The following LYST variants were observed in gnomAD, a reference collection of about 807,000 sequenced individuals.
LYST encodes lysosomal-trafficking regulator.
In LYST, 192 loss-of-function variants were observed where a neutral mutation model predicts 413.6. That is an observed-to-expected ratio of 0.46 (90% CI 0.41 to 0.52). LYST has a LOEUF of 0.52. Ranked by LOEUF, LYST falls within the 20% of genes least tolerant of loss-of-function variation. The probability of loss-of-function intolerance (pLI) is 0.00; values close to 1 mark genes in which losing one functional copy is unlikely to be tolerated. For missense variants in LYST, 3,815 were observed against 4,499.9 expected, an observed-to-expected ratio of 0.85 and a Z score of 4.35; for synonymous variants, 1,525 against 1,567.3, an observed-to-expected ratio of 0.97 and a Z score of 0.64.
chr1:235,728,183 A>G (rs756256879), intron 37 of LYST, 52 bp from the exon 38 acceptor site: 2 of 1,316,108 alleles, frequency 1.5e-6, no homozygotes, highest in Non-Finnish European at 2.2e-6. Context: ...GCACACTACC[A>G]TTCATGGTTT....
In LYST at chr1:235,777,143, G is replaced by T; in HGVS notation, c.5380C>A (p.Gln1794Lys). 6.2e-7 allele frequency: 1 copy of T among 1,613,024 alleles called. No individual in the cohort carries two copies. The highest frequency in any genetic ancestry group is 8.5e-7 in the Non-Finnish European group (1 of 1,179,146). Residue 1794 changes from glutamine to lysine, a missense_variant, in exon 17 of 53, where the codon CAA becomes AAA. Physicochemically the swap from Gln to Lys is moderately conservative, Grantham distance 53. Transcript: ENST00000389793. ...LLEPHHLKNL[Q>K]PTEYKTIQGI... Reference sequence around the variant, plus strand: ...TGAATAGTTTTATATTCAGTAGGTTGGAGATTCTTTAGATGATGAGGTTCT... The same window carrying T: ...TGAATAGTTTTATATTCAGTAGGTTTGAGATTCTTTAGATGATGAGGTTCT...
intron 49 of LYST, 81 bp from the exon 50 acceptor site, chr1:235,677,269 C>A: frequency 8.5e-7 from 1 of 1,182,602 alleles, no homozygotes; most frequent in South Asian, 1.2e-5. Context: ...TCTTCTCAGT[C>A]TATGTACCTA....
chr1:235,849,223 C>T (rs968303503), intron 1 of LYST, among the ~76,000 whole-genome samples: 6 of 152,080 alleles, frequency 3.9e-5, no homozygotes, highest in African/African-American at 1.4e-4. Context: ...ATACGTAAGT[C>T]AATAAATGTG....
intron 48 of LYST, among the ~76,000 whole-genome samples, chr1:235,684,826 G>A (rs973601511): frequency 6.6e-6 from 1 of 151,630 alleles, no homozygotes; most frequent in Admixed American, 6.6e-5. Flanking sequence ...ATAAGGTCTT[G>A]CTATGTTGCC....
chr1:235,819,723 G>T (rs547387120), intron 3 of LYST, among the ~76,000 whole-genome samples: 1 of 152,270 alleles, frequency 6.6e-6, no homozygotes, highest in South Asian at 2.1e-4. Flanking sequence ...TCGGCTCACT[G>T]CAAGCTCTGC....
At chr1:235,671,014 C>A (rs1658896987) in intron 50 of LYST, among the ~76,000 whole-genome samples, 1 of 152,170 alleles carries the variant, frequency 6.6e-6, no homozygotes, top group South Asian at 2.1e-4. Flanking sequence ...AGACAGTAAA[C>A]CTGAGCTCTA....
intron 31 of LYST, chr1:235,737,921 G>GT: frequency 8.5e-7 from 1 of 1,176,872 alleles, no homozygotes; most frequent in Non-Finnish European, 1.1e-6. Flanking sequence ...CGACGAGTCT[G>GT]GATCTCACTG....
At chr1:235,822,694 T>C (rs1032886060) in intron 3 of LYST, among the ~76,000 whole-genome samples, 15 of 152,220 alleles carry the variant, frequency 9.9e-5, no homozygotes, top group African/African-American at 2.9e-4. Flanking sequence ...CACAAATTAA[T>C]TGCAGTTCCT....
chr1:235,772,220 G>A (rs1668781157), intron 19 of LYST, among the ~76,000 whole-genome samples: 1 of 151,874 alleles, frequency 6.6e-6, no homozygotes, highest in African/African-American at 2.4e-5. Flanking sequence ...GTGTGCTCCT[G>A]TTTCAAAAAA....
At chr1:235,863,131 G>A (rs991730976) in intron 1 of LYST, among the ~76,000 whole-genome samples, 2 of 152,040 alleles carry the variant, frequency 1.3e-5, no homozygotes, top group Non-Finnish European at 2.9e-5. Flanking sequence ...GGTGGCTCAC[G>A]CCTGTAATCC....
At chr1:235,750,197 G>A (rs192219419) in intron 28 of LYST, among the ~76,000 whole-genome samples, 67 of 152,274 alleles carry the variant, frequency 4.4e-4, no homozygotes, top group Non-Finnish European at 9.1e-4. Flanking sequence ...CAGGACAAAA[G>A]AGATGTACAA....
chr1:235,727,124 C>CTTTTTTTTTTTTT (rs763736405), intron 38 of LYST, among the ~76,000 whole-genome samples: 1 of 135,120 alleles, frequency 7.4e-6, no homozygotes, highest in Non-Finnish European at 1.6e-5. Flanking sequence ...TTCTTTCTTT[C>CTTTTTTTTTTTTT]TTTTTTTTTT....
Position 235,774,477 on chromosome 1 carries a change from C to A in LYST, c.5634+436G>T, listed in dbSNP as rs564284191. On this transcript the variant is annotated intron_variant, in intron 18 of 52. Transcript: ENST00000389793. ...TTTAAATATATGATGATAGCGGGAT[C>A]ATAATAAAAATGAGCACGAATATCT... Among the ~76,000 whole-genome samples the A allele has an allele frequency of 5.9e-5, 9 of 152,186 alleles. No homozygotes were observed. The South Asian group carries it at 1.9e-3, about 32-fold the overall frequency.
At chr1:235,841,931 T>C (rs1421848265) in intron 1 of LYST, among the ~76,000 whole-genome samples, 1 of 152,070 alleles carries the variant, frequency 6.6e-6, no homozygotes, top group Non-Finnish European at 1.5e-5. Flanking sequence ...AATAGTCAAA[T>C]GGGGGAAAGT....
chr1:235,712,191 C>T lies in LYST; in HGVS notation c.9791G>A (p.Ser3264Asn). Residue 3264 changes from serine (S) to asparagine (N), a missense_variant, in exon 43 of 53, where the codon AGT becomes AAT. This residue lies in a region of LYST where 866 missense variants were observed against 1,156.0 expected (regional missense o/e 0.75). Transcript: ENST00000389793. ...TKMFLAYQDQ[S>N]FDIPDRTFHS... ...AAAAGTTCTGTCTGGAATGTCAAAA[C>T]TTTGATCTATAAAAAAATACAAATA... 6.3e-7 allele frequency: 1 copy of T among 1,578,814 alleles called. No homozygotes were observed. The highest frequency in any genetic ancestry group is 8.6e-7 in the Non-Finnish European group (1 of 1,157,222).
chr1:235,829,608 C>A (rs1675727523), intron 3 of LYST: 1 of 152,124 alleles, frequency 6.6e-6, no homozygotes, highest in South Asian at 2.1e-4. Context: ...TATGTGAGTA[C>A]TTAATGTTTC....
intron 2 of LYST, among the ~76,000 whole-genome samples, chr1:235,832,512 G>A (rs1293415506): frequency 6.6e-6 from 1 of 151,974 alleles, no homozygotes; most frequent in South Asian, 2.1e-4. Context: ...ATATATACAT[G>A]TTTATATGAA....
chr1:235,851,321 T>C (rs892784777), intron 1 of LYST, among the ~76,000 whole-genome samples: 7 of 151,600 alleles, frequency 4.6e-5, no homozygotes, highest in Non-Finnish European at 8.8e-5. Flanking sequence ...CAAAACATCA[T>C]ATGTTCTCAC....
intron 21 of LYST, among the ~76,000 whole-genome samples, 171 bp downstream of exon 21, chr1:235,765,908 G>A (rs1198935862): frequency 6.6e-6 from 1 of 151,686 alleles, no homozygotes; most frequent in Non-Finnish European, 1.5e-5. Context: ...TAGACTCCTT[G>A]AGGACAGAGG....
Sources: gnomAD v4.1 joint callset for allele counts (sites outside exome capture counted in the v4.1 genomes callset) on GRCh38, gnomAD v4.1.1 for gene constraint, gnomAD v4.1.1 regional missense constraint, MANE v1.5 for transcripts, NCBI Gene and HGNC (gene_info 2026-07-23, HGNC 2026-07-21) for gene names.